The following MYOCD variants were observed in gnomAD, a reference collection of about 807,000 sequenced individuals.
MYOCD encodes myocardin.
Under a neutral mutation model 96.1 loss-of-function variants are expected in MYOCD, and 32 were observed. The observed-to-expected ratio is 0.33, with a 90% confidence interval of 0.25 to 0.45. The LOEUF (loss-of-function observed/expected upper bound fraction) is 0.45, where lower values mean the gene tolerates loss of function less well. MYOCD is among the 20% of genes least tolerant of loss of function. The probability of loss-of-function intolerance (pLI) is 1.00; values close to 1 mark genes in which losing one functional copy is unlikely to be tolerated. For synonymous variants in MYOCD, 469 were observed against 469.0 expected, an observed-to-expected ratio of 1.00 and a Z score of 0.00; for missense variants, 1,133 against 1,200.6, an observed-to-expected ratio of 0.94 and a Z score of 0.83.
chr17:12,696,920 G>A (rs1011855250), intron 1 of MYOCD, among the ~76,000 whole-genome samples: 6 of 152,182 alleles, frequency 3.9e-5, no homozygotes, highest in Non-Finnish European at 8.8e-5. Context: ...AATAGGATGA[G>A]CCAGGAGCTA....
intron 1 of MYOCD, among the ~76,000 whole-genome samples, chr17:12,700,290 C>G (rs1159999192): frequency 6.7e-6 from 1 of 149,966 alleles, no homozygotes; most frequent in Non-Finnish European, 1.5e-5. Context: ...ATATTTTCGT[C>G]TTTTGTTTCC....
At chr17:12,697,335 GTATATATA>G (rs1007347099) in intron 1 of MYOCD, among the ~76,000 whole-genome samples, 1 of 92,042 alleles carries the variant, frequency 1.1e-5, no homozygotes, top group African/African-American at 4.6e-5. Flanking sequence ...TGGTATAGGA[GTATATATA>G]TATATATATA....
At chr17:12,705,337 AC>A (rs1476108774) in intron 2 of MYOCD, 144 bp downstream of exon 2, 4 of 584,108 alleles carry the variant, frequency 6.8e-6, no homozygotes, top group Non-Finnish European at 1.2e-5. Context: ...GAAATCCCAG[AC>A]CTTGGATGCT....
rs937222148 is a variant in MYOCD, at chr17:12,723,020, A to G, written c.415+12A>G. 3.1e-6 allele frequency: 5 copies of G among 1,610,222 alleles called. No individual in the cohort carries two copies. Among genetic ancestry groups the G allele is most frequent in the Non-Finnish European group, 4.2e-6 (5 of 1,178,120 alleles). ...AGAGGCCATAAAAGGTAGTTAGAACAAATGGCATGTCTCTCCTTGGTGCTA... is the reference window on the plus strand; with the variant it reads ...AGAGGCCATAAAAGGTAGTTAGAACGAATGGCATGTCTCTCCTTGGTGCTA... On this transcript the variant is annotated intron_variant, in intron 5 of 13. Coordinates refer to ENST00000425538, the MANE Select transcript of MYOCD (RefSeq NM_001146312.3).
chr17:12,741,166 A>G (rs758831583), intron 7 of MYOCD, among the ~76,000 whole-genome samples: 4 of 152,324 alleles, frequency 2.6e-5, no homozygotes, highest in Non-Finnish European at 5.9e-5. Flanking sequence ...AATCAATGAT[A>G]TAGTAACAGT....
intron 5 of MYOCD, among the ~76,000 whole-genome samples, chr17:12,730,537 G>A (rs1168840740): frequency 1.3e-5 from 2 of 151,826 alleles, no homozygotes; most frequent in East Asian, 3.9e-4. Context: ...TACCTATTAT[G>A]CCATTTCCAT....
rs2033339636 is a variant in MYOCD, at chr17:12,766,308, AC to A, written c.*2666del. Reference sequence around the variant, plus strand: ...AGGCCTCTGTACTTCTCCAGATTGTACCTTTTTATGGGGATCTTTGAGGCTA... The same window carrying A: ...AGGCCTCTGTACTTCTCCAGATTGTACTTTTTATGGGGATCTTTGAGGCTA... On this transcript the variant is annotated 3_prime_UTR_variant, in exon 14 of 14. Transcript: ENST00000425538. 1 of 152,132 alleles carries A rather than the reference AC, an allele frequency of 6.6e-6. No homozygotes were observed. The highest frequency in any genetic ancestry group is 2.4e-5 in the African/African-American group (1 of 41,422). The allele number at this position is 152,132 out of a possible 1,614,324, so 9.4% of individuals were successfully genotyped here.
In MYOCD at chr17:12,758,167, T is replaced by A. The variant is rs747554352; in HGVS notation, c.2285T>A (p.Ile762Asn). The change falls in exon 12 of 14, where the codon ATT (isoleucine) becomes AAT (asparagine). Residue 762 changes from isoleucine to asparagine, a missense_variant. Transcript: ENST00000425538. ...ACTTTTTCTAAGTCAAGTTCAGCAATTTCAGAGGTAACACAGCCTCCATCC... is the reference window on the plus strand; with the variant it reads ...ACTTTTTCTAAGTCAAGTTCAGCAAATTCAGAGGTAACACAGCCTCCATCC... ...SPTFSKSSSA[I>N]SEVTQPPSYE... 2.4e-5 allele frequency: 39 copies of A among 1,614,058 alleles called. No individual in the cohort carries two copies. The highest frequency in any genetic ancestry group is 2.9e-5 in the Non-Finnish European group (34 of 1,180,030).
rs577360336 is a variant in MYOCD, at chr17:12,675,499, C to T, written c.55+9256C>T. 4.5e-4 allele frequency among the ~76,000 whole-genome samples: 69 copies of T among 152,278 alleles called. No individual in the cohort carries two copies. The South Asian group carries it at 0.012, about 27-fold the overall frequency. On this transcript the variant is annotated intron_variant, in intron 1 of 13. Transcript: ENST00000425538. ...AACTGATGTGAAAAGATCTCCAAAACGTAGAATTAATTTTTTAAAATTCAG... is the reference window on the plus strand; with the variant it reads ...AACTGATGTGAAAAGATCTCCAAAATGTAGAATTAATTTTTTAAAATTCAG...
At chr17:12,726,149 A>G (rs1347680732) in intron 5 of MYOCD, among the ~76,000 whole-genome samples, 1 of 152,160 alleles carries the variant, frequency 6.6e-6, no homozygotes, top group Admixed American at 6.6e-5. Context: ...GCTTAGAAAG[A>G]GTTCAGAGAG....
chr17:12,739,067 T>C, intron 6 of MYOCD, 136 bp from the exon 7 acceptor site: 1 of 965,222 alleles, frequency 1.0e-6, no homozygotes, highest in East Asian at 2.5e-5. Context: ...CTCCTCCCAC[T>C]GAGGGAGTAG....
In MYOCD at chr17:12,675,635, G is replaced by C. The variant is rs144414446; in HGVS notation, c.55+9392G>C. Among the ~76,000 whole-genome samples the C allele has an allele frequency of 1.9e-4, 29 of 152,304 alleles. No homozygotes were observed. In the East Asian group the frequency reaches 5.6e-3, roughly 29 times the overall value. On this transcript the variant is annotated intron_variant, in intron 1 of 13. Transcript: ENST00000425538. ...GCAATTTGGGAGGCCGAGATGGGTGGATCACGAGGTCAGGGGATCGAGACC... is the reference window on the plus strand; with the variant it reads ...GCAATTTGGGAGGCCGAGATGGGTGCATCACGAGGTCAGGGGATCGAGACC...
intron 2 of MYOCD, among the ~76,000 whole-genome samples, chr17:12,713,799 A>C (rs994530577): frequency 1.6e-4 from 24 of 152,258 alleles, no homozygotes; most frequent in African/African-American, 4.1e-4. Context: ...TGATGACCAG[A>C]CCCAACTCAA....
At chr17:12,680,626 A>G (rs1910399315) in intron 1 of MYOCD, among the ~76,000 whole-genome samples, 2 of 152,224 alleles carry the variant, frequency 1.3e-5, no homozygotes, top group Non-Finnish European at 2.9e-5. Flanking sequence ...CTGTCTGCTT[A>G]ATTCACTCAT....
At chr17:12,700,439 C>G (rs2031013640) in intron 1 of MYOCD, among the ~76,000 whole-genome samples, 1 of 75,736 alleles carries the variant, frequency 1.3e-5, no homozygotes, top group Non-Finnish European at 2.2e-5. Context: ...GAGATGGAGT[C>G]TCACTCTGTT....
At chr17:12,756,897 ATCCAC>A in intron 11 of MYOCD, among the ~76,000 whole-genome samples, 1 of 152,110 alleles carries the variant, frequency 6.6e-6, no homozygotes, top group East Asian at 1.9e-4. Flanking sequence ...AGAGAAACAA[ATCCAC>A]TCCAAATGCA....
Position 12,765,976 on chromosome 17 carries a change from CAA to C in MYOCD, c.*2338_*2339del, listed in dbSNP as rs1028782455. The C allele has an allele frequency of 2.6e-5, 4 of 152,028 alleles. No individual in the cohort carries two copies. The highest frequency in any genetic ancestry group is 9.7e-5 in the African/African-American group (4 of 41,412). 9.4% of individuals were successfully genotyped at this position (152,028 alleles called of 1,614,324 possible). A position where few individuals can be genotyped will look rare whatever the true frequency, so the allele number is the denominator to read the frequency against. ...TTGCTTTTATGTCAGTCATCAGAAC[CAA>C]AAAAATCCAGAAGAAAAAATTGCCA... On this transcript the variant is annotated 3_prime_UTR_variant, in exon 14 of 14. Transcript: ENST00000425538.
At chr17:12,719,862 A>G (rs1263524425) in intron 4 of MYOCD, among the ~76,000 whole-genome samples, 2 of 112,552 alleles carry the variant, frequency 1.8e-5, no homozygotes, top group Admixed American at 9.7e-5. Flanking sequence ...AGCGAGACTC[A>G]GTCTCAAAAA....
Position 12,758,169 on chromosome 17 carries a change from TCAGAGGTAA to T in MYOCD, c.2290_2298del (p.Glu764_Thr766del). On this transcript the variant is annotated inframe_deletion, in exon 12 of 14. Coordinates refer to ENST00000425538, the MANE Select transcript of MYOCD (RefSeq NM_001146312.3). ...TTTTTCTAAGTCAAGTTCAGCAATT[TCAGAGGTAA>T]CACAGCCTCCATCCTATGAAGATGC... 1 of 1,614,204 alleles carries T rather than the reference TCAGAGGTAA, an allele frequency of 6.2e-7. No homozygotes were observed. Among genetic ancestry groups the T allele is most frequent in the South Asian group, 1.1e-5 (1 of 91,086 alleles).
Sources: allele counts gnomAD v4.1 joint callset (sites outside exome capture counted in the v4.1 genomes callset), GRCh38; gene constraint gnomAD v4.1.1; transcripts MANE v1.5; gene names NCBI Gene and HGNC (gene_info 2026-07-23, HGNC 2026-07-21).